The following IL1RAPL1 variants were observed in gnomAD, a reference collection of about 807,000 sequenced individuals.
IL1RAPL1 encodes interleukin-1 receptor accessory protein-like 1.
Under a neutral mutation model 48.4 loss-of-function variants are expected in IL1RAPL1, and 3 were observed. The ratio of observed to expected loss-of-function variants is 0.06; its 90% CI spans 0.03 to 0.16. The LOEUF (loss-of-function observed/expected upper bound fraction) is 0.16, where lower values mean the gene tolerates loss of function less well. IL1RAPL1 is among the 10% of genes least tolerant of loss of function. IL1RAPL1 has a pLI of 1.00. For synonymous variants in IL1RAPL1, 185 were observed against 187.7 expected, an observed-to-expected ratio of 0.99 and a Z score of 0.12; for missense variants, 349 against 530.6, an observed-to-expected ratio of 0.66 and a Z score of 3.36.
chrX:29,281,756 C>T (rs960569221), intron 2 of IL1RAPL1, among the ~76,000 whole-genome samples: 3 of 112,110 alleles, frequency 2.7e-5, no homozygotes, highest in African/African-American at 9.7e-5. Context: ...TTAAATGTAA[C>T]AGGGGATTAT....
At chrX:29,633,919 T>C (rs777169362) in intron 5 of IL1RAPL1, among the ~76,000 whole-genome samples, 6 of 111,642 alleles carry the variant, frequency 5.4e-5, no homozygotes, top group Non-Finnish European at 9.4e-5. Context: ...GGCGCTTTTT[T>C]CCAAATAAGG....
chrX:29,409,642 C>T lies in IL1RAPL1; in HGVS notation c.703+10334C>T, dbSNP rs913964816. ...GATGTTTTTACTCTTGAGCAGAAAA[C>T]GTATACATTTTAGAACATATTCATA... On this transcript the variant is annotated intron_variant, in intron 5 of 10. Transcript: ENST00000378993. 8.1e-5 allele frequency among the ~76,000 whole-genome samples: 9 copies of T among 110,979 alleles called. No individual in the cohort carries two copies. In the East Asian group the frequency reaches 8.4e-4, roughly 10 times the overall value.
In IL1RAPL1 at chrX:29,956,026, A is replaced by G; in HGVS notation, c.*206A>G. 1 of 422,545 alleles carries G rather than the reference A, an allele frequency of 2.4e-6. No individual in the cohort carries two copies. The highest frequency in any genetic ancestry group is 4.1e-6 in the Non-Finnish European group (1 of 242,045). The allele number at this position is 422,545 out of a possible 1,213,427, so 34.8% of individuals were successfully genotyped here. A position where few individuals can be genotyped will look rare whatever the true frequency, so the allele number is the denominator to read the frequency against. ...GTTTTACCATGTCTTTTACCATTAC[A>G]TTTTTTGACTTTGTTTTATATGTCG... On this transcript the variant is annotated 3_prime_UTR_variant, in exon 11 of 11. Transcript: ENST00000378993.
At chrX:29,514,127 A>T (rs947573101) in intron 5 of IL1RAPL1, among the ~76,000 whole-genome samples, 3 of 111,689 alleles carry the variant, frequency 2.7e-5, no homozygotes, top group Non-Finnish European at 5.6e-5. Context: ...GATAATGATC[A>T]CCTTATAATT....
intron 2 of IL1RAPL1, among the ~76,000 whole-genome samples, chrX:28,906,237 A>G (rs1242870537): frequency 8.9e-6 from 1 of 112,953 alleles, no homozygotes; most frequent in Non-Finnish European, 1.9e-5. Context: ...CTCCCTAGAC[A>G]TGTTGGGATT....
intron 3 of IL1RAPL1, among the ~76,000 whole-genome samples, chrX:29,351,277 C>T (rs1225257871): frequency 4.5e-5 from 5 of 111,627 alleles, no homozygotes; most frequent in African/African-American, 1.6e-4. Context: ...TATAAAATAA[C>T]ACTGTCTTAC....
At chrX:29,541,373 G>A (rs938991337) in intron 5 of IL1RAPL1, among the ~76,000 whole-genome samples, 1 of 111,404 alleles carries the variant, frequency 9.0e-6, no homozygotes, top group African/African-American at 3.3e-5. Context: ...GTGCTTTGAC[G>A]GTTTCTCAAA....
chrX:29,829,830 A>G (rs1279696524), intron 6 of IL1RAPL1, among the ~76,000 whole-genome samples: 2 of 112,060 alleles, frequency 1.8e-5, no homozygotes, highest in Admixed American at 9.5e-5. Flanking sequence ...ATACCTTGCT[A>G]TAGTTTCCAA....
chrX:29,240,231 T>A (rs1156285762), intron 2 of IL1RAPL1, among the ~76,000 whole-genome samples: 5 of 59,061 alleles, frequency 8.5e-5, no homozygotes, highest in African/African-American at 2.6e-4. Context: ...TATATTTTTT[T>A]TTTTTTTTTT....
At chrX:29,405,502 G>A (rs1934050919) in intron 5 of IL1RAPL1, among the ~76,000 whole-genome samples, 1 of 98,551 alleles carries the variant, frequency 1.0e-5, no homozygotes, top group Non-Finnish European at 1.9e-5. Flanking sequence ...AAGTAGCTGG[G>A]ACTACAGGTG....
intron 5 of IL1RAPL1, among the ~76,000 whole-genome samples, chrX:29,527,070 T>G (rs1935560237): frequency 9.0e-6 from 1 of 111,008 alleles, no homozygotes; most frequent in Non-Finnish European, 1.9e-5. Flanking sequence ...TGGAATAAAA[T>G]CAAAAGTCCT....
chrX:28,658,349 C>G (rs749466078), intron 1 of IL1RAPL1, among the ~76,000 whole-genome samples: 1 of 111,719 alleles, frequency 9.0e-6, no homozygotes, highest in African/African-American at 3.3e-5. Context: ...TCCTGAGTAG[C>G]TGGGACTACA....
At chrX:29,826,520 T>A (rs143333184) in intron 6 of IL1RAPL1, among the ~76,000 whole-genome samples, 1,251 of 111,633 alleles carry the variant, frequency 0.011, 17 homozygotes, top group African/African-American at 0.038. Context: ...ACCCTGTACC[T>A]ATTTGTGGTC....
At chrX:29,214,146 C>T (rs1245342700) in intron 2 of IL1RAPL1, among the ~76,000 whole-genome samples, 2 of 111,064 alleles carry the variant, frequency 1.8e-5, no homozygotes, top group South Asian at 3.8e-4. Context: ...GTCAACCAAG[C>T]GCACATGTGT....
At chrX:29,470,168 C>T (rs147119184) in intron 5 of IL1RAPL1, among the ~76,000 whole-genome samples, 4 of 112,075 alleles carry the variant, frequency 3.6e-5, no homozygotes, top group African/African-American at 1.3e-4. Flanking sequence ...TCTCCCACTG[C>T]TAGTTTAGTC....
Position 29,917,478 on chromosome X carries a change from C to G in IL1RAPL1, c.793C>G (p.Leu265Val). 8.3e-7 allele frequency: 1 copy of G among 1,208,768 alleles called. No homozygotes were observed. The highest frequency in any genetic ancestry group is 1.1e-6 in the Non-Finnish European group (1 of 892,781). Residue 265 changes from leucine (L) to valine (V), a missense_variant, in exon 7 of 11, where the codon CTA becomes GTA. Leu to Val is a conservative substitution (Grantham distance 32, BLOSUM62 1). Transcript: ENST00000378993. ...TCTCTCTGCAGGTGACTCTGCTAAT[C>G]TAACCTGCAGAGCTTTCTTTGGGTA... Reference protein sequence around the residue: ...QETQLGDSANLTCRAFFGYSG... With the variant: ...QETQLGDSANVTCRAFFGYSG...
intron 3 of IL1RAPL1, among the ~76,000 whole-genome samples, chrX:29,285,097 C>T (rs1404202214): frequency 8.9e-6 from 1 of 111,845 alleles, no homozygotes; most frequent in Non-Finnish European, 1.9e-5. Context: ...TAGTATAATA[C>T]TACATTTCGT....
chrX:29,661,594 C>T (rs1250027290), intron 5 of IL1RAPL1, among the ~76,000 whole-genome samples: 1 of 112,082 alleles, frequency 8.9e-6, no homozygotes, highest in Non-Finnish European at 1.9e-5. Context: ...TATAAATCAA[C>T]ATTGAATAGT....
intron 1 of IL1RAPL1, among the ~76,000 whole-genome samples, chrX:28,781,774 C>G (rs190428621): frequency 9.0e-6 from 1 of 111,014 alleles, no homozygotes; most frequent in African/African-American, 3.3e-5. Context: ...ATGATTGATT[C>G]CCAGTGGTTA....
Sources: gnomAD v4.1 joint callset for allele counts (sites outside exome capture counted in the v4.1 genomes callset) on GRCh38, gnomAD v4.1.1 for gene constraint, MANE v1.5 for transcripts, NCBI Gene and HGNC (gene_info 2026-07-23, HGNC 2026-07-21) for gene names.